The following ANO2 variants were observed in gnomAD, a reference collection of about 807,000 sequenced individuals.
ANO2 encodes anoctamin-2.
ANO2 carries 101 observed loss-of-function variants against 124.2 expected under a neutral mutation model. The observed-to-expected ratio is 0.81, with a 90% CI of 0.69 to 0.96. The LOEUF (loss-of-function observed/expected upper bound fraction) is 0.96. Ranked by LOEUF, ANO2 falls within the 40% of genes least tolerant of loss-of-function variation. ANO2 has a pLI of 0.00. For missense variants in ANO2, 1,293 were observed against 1,274.5 expected (o/e 1.01, Z -0.22); for synonymous variants, 486 against 482.5 (o/e 1.01, Z -0.09).
At position 5,922,609 on chromosome 12, in the gene ANO2, C is replaced by CCCAAAAAA; in HGVS notation, c.207+10_207+11insTTTTTTGG. On this transcript the variant is annotated intron_variant, in intron 2 of 24. Coordinates refer to ENST00000682330, the MANE Select transcript of ANO2 (RefSeq NM_001364791.2). Reference sequence around the variant, plus strand: ...GCCTATCCCCCCACCCCACCCCCGCCCAGTACTCACAGAGCTGCTGCGGGT... The same window carrying CCCAAAAAA: ...GCCTATCCCCCCACCCCACCCCCGCCCCAAAAAACAGTACTCACAGAGCTGCTGCGGGT... 1 of 1,530,962 alleles carries CCCAAAAAA rather than the reference C, an allele frequency of 6.5e-7. No individual in the cohort carries two copies. Among genetic ancestry groups the CCCAAAAAA allele is most frequent in the Non-Finnish European group, 8.8e-7 (1 of 1,141,240 alleles). 94.8% of individuals were successfully genotyped at this position (1,530,962 alleles called of 1,614,324 possible). A position where few individuals can be genotyped will look rare whatever the true frequency, so the allele number is the denominator to read the frequency against.
chr12:5,766,903 A>AAAAGACAAGGCTTCC (rs1412290992), intron 10 of ANO2, among the ~76,000 whole-genome samples: 2 of 152,202 alleles, frequency 1.3e-5, no homozygotes, highest in Non-Finnish European at 2.9e-5. Flanking sequence ...CAAGGCTTCC[A>AAAAGACAAGGCTTCC]AAAAACAAGG....
At chr12:5,664,630 C>A (rs1235337636) in intron 14 of ANO2, among the ~76,000 whole-genome samples, 1 of 152,226 alleles carries the variant, frequency 6.6e-6, no homozygotes, top group African/African-American at 2.4e-5. Flanking sequence ...TCATCCAGAT[C>A]TGAATAATTC....
At chr12:5,795,469 G>A (rs1952818305) in intron 10 of ANO2, among the ~76,000 whole-genome samples, 1 of 152,136 alleles carries the variant, frequency 6.6e-6, no homozygotes, top group African/African-American at 2.4e-5. Flanking sequence ...GGCCTGGTTT[G>A]GTACAGTGAA....
chr12:5,773,811 T>A (rs1952151480), intron 10 of ANO2, among the ~76,000 whole-genome samples: 1 of 152,110 alleles, frequency 6.6e-6, no homozygotes, highest in Non-Finnish European at 1.5e-5. Context: ...CCCCTCACAC[T>A]CCCTTGGTCA....
intron 3 of ANO2, among the ~76,000 whole-genome samples, chr12:5,901,626 G>A (rs960564108): frequency 2.6e-5 from 4 of 152,200 alleles, no homozygotes; most frequent in South Asian, 2.1e-4. Flanking sequence ...TGCAGAATAC[G>A]GTGAGTGGAC....
At chr12:5,776,522 G>A (rs1238238286) in intron 10 of ANO2, among the ~76,000 whole-genome samples, 1 of 152,180 alleles carries the variant, frequency 6.6e-6, no homozygotes, top group East Asian at 1.9e-4. Context: ...TGTGTGACAT[G>A]AGCATCTTCC....
chr12:5,794,898 C>T (rs1473656631), intron 10 of ANO2, among the ~76,000 whole-genome samples: 1 of 152,208 alleles, frequency 6.6e-6, no homozygotes, highest in Non-Finnish European at 1.5e-5. Flanking sequence ...ACAGATTGAT[C>T]AACGTTTTTC....
chr12:5,808,824 T>C (rs1170179641), intron 7 of ANO2, among the ~76,000 whole-genome samples: 1 of 152,140 alleles, frequency 6.6e-6, no homozygotes, highest in East Asian at 1.9e-4. Context: ...GCAGAGGATC[T>C]CAGACAATCC....
intron 3 of ANO2, among the ~76,000 whole-genome samples, chr12:5,863,259 G>T (rs770356026): frequency 1.3e-5 from 2 of 152,260 alleles, no homozygotes; most frequent in Middle Eastern, 3.4e-3. Flanking sequence ...GACCCCAAAG[G>T]CAGCACGGCA....
At chr12:5,883,502 GGTGTGTGTGTGTGTGTGT>G (rs5796191) in intron 3 of ANO2, among the ~76,000 whole-genome samples, 2 of 144,582 alleles carry the variant, frequency 1.4e-5, no homozygotes, top group African/African-American at 2.6e-5. Context: ...ACATTAGGGT[GGTGTGTGTGTGTGTGTGT>G]GTGTGTGTGT....
chr12:5,838,296 G>C (rs1954393499), intron 4 of ANO2, among the ~76,000 whole-genome samples: 1 of 152,160 alleles, frequency 6.6e-6, no homozygotes, highest in Non-Finnish European at 1.5e-5. Flanking sequence ...AATATTGTTG[G>C]CTGCCTTCAA....
intron 20 of ANO2, among the ~76,000 whole-genome samples, chr12:5,583,388 T>C (rs1236555718): frequency 6.6e-6 from 1 of 152,072 alleles, no homozygotes; most frequent in Admixed American, 6.5e-5. Context: ...GCGCGGTGGC[T>C]CACGCCTGTA....
intron 3 of ANO2, among the ~76,000 whole-genome samples, chr12:5,857,775 TA>T (rs1419415453): frequency 3.6e-5 from 2 of 55,084 alleles, no homozygotes; most frequent in Non-Finnish European, 6.9e-5. Flanking sequence ...AGAAATGTGA[TA>T]GATAGATAGA....
At chr12:5,755,740 AT>A (rs1951563398) in intron 10 of ANO2, among the ~76,000 whole-genome samples, 1 of 152,086 alleles carries the variant, frequency 6.6e-6, no homozygotes, top group Non-Finnish European at 1.5e-5. Context: ...TGAACTCATC[AT>A]TTTGTATGGC....
chr12:5,923,182 A>G (rs999558707), intron 1 of ANO2, among the ~76,000 whole-genome samples: 2 of 47,610 alleles, frequency 4.2e-5, no homozygotes, highest in Non-Finnish European at 6.3e-5. Flanking sequence ...ACGCACACAC[A>G]CATACACACA....
Position 5,599,593 on chromosome 12 carries a change from C to T in ANO2, c.2124G>A (p.Glu708=), listed in dbSNP as rs779637014. Residue 708 remains glutamate (E), a synonymous_variant, in exon 20 of 25, where the codon GAG becomes GAA. Coordinates refer to ENST00000682330, the MANE Select transcript of ANO2 (RefSeq NM_001364791.2). The stretch of plus-strand genomic sequence containing the variant: ...CAGAGTCAGTTTCTCCAGCTTCGGT[C>T]TCATCTTTCAGCTTTCGAAATAGTT... The part of the protein sequence containing the change: ...LKKLFRKLKD[E]TEAGETDSAH... The T allele has an allele frequency of 6.2e-7, 1 of 1,613,810 alleles. No individual in the cohort carries two copies. Among genetic ancestry groups the T allele is most frequent in the Non-Finnish European group, 8.5e-7 (1 of 1,179,846 alleles).
chr12:5,640,441 A>T (rs966843169), intron 15 of ANO2, among the ~76,000 whole-genome samples: 81 of 152,352 alleles, frequency 5.3e-4, no homozygotes, highest in Non-Finnish European at 2.8e-4. Flanking sequence ...GTGAACAGGC[A>T]ACCTACAGAA....
At position 5,904,139 on chromosome 12, in the gene ANO2, C is replaced by A. The variant is rs1365353313; in HGVS notation, c.534+16901G>T. Among the ~76,000 whole-genome samples, 1 of 152,190 alleles carries A rather than the reference C, an allele frequency of 6.6e-6. No individual in the cohort carries two copies. Among genetic ancestry groups the A allele is most frequent in the Non-Finnish European group, 1.5e-5 (1 of 68,038 alleles). Reference sequence around the variant, plus strand: ...AGGCCTCTGTGCTTGAAGAGTGTTCCAGCCCAAATGTTGCCTGGCTGCTGC... The same window carrying A: ...AGGCCTCTGTGCTTGAAGAGTGTTCAAGCCCAAATGTTGCCTGGCTGCTGC... On this transcript the variant is annotated intron_variant, in intron 3 of 24. Coordinates refer to ENST00000682330, the MANE Select transcript of ANO2 (RefSeq NM_001364791.2). The surrounding 1 kb of genome is among the most constrained non-coding windows in gnomAD (Gnocchi z 4.1).
At chr12:5,610,179 AT>A (rs1944430092) in intron 19 of ANO2, among the ~76,000 whole-genome samples, 2 of 73,126 alleles carry the variant, frequency 2.7e-5, no homozygotes, top group Non-Finnish European at 5.2e-5. Context: ...ACTTATATAA[AT>A]ACTTATATAA....
Sources: gnomAD v4.1 joint callset for allele counts (sites outside exome capture counted in the v4.1 genomes callset) on GRCh38, gnomAD v4.1.1 for gene constraint, Gnocchi (gnomAD v3.1) non-coding constraint, MANE v1.5 for transcripts, NCBI Gene and HGNC (gene_info 2026-07-23, HGNC 2026-07-21) for gene names.